The following CENPP variants were observed in gnomAD, a reference collection of about 807,000 sequenced individuals.
CENPP encodes the protein centromere protein P.
In CENPP, 24 loss-of-function variants were observed where a neutral mutation model predicts 35.6. The ratio of observed to expected loss-of-function variants is 0.67; its 90% CI spans 0.49 to 0.95. The LOEUF is 0.95. Ranked by LOEUF, CENPP falls within the 40% of genes least tolerant of loss-of-function variation. The pLI is 0.00. For synonymous variants in CENPP, 120 were observed against 125.5 expected (o/e 0.96, Z 0.29); for missense variants, 332 against 345.3 (o/e 0.96, Z 0.31).
intron 5 of CENPP, among the ~76,000 whole-genome samples, chr9:92,580,928 T>C (rs962885706): frequency 6.6e-6 from 1 of 152,262 alleles, no homozygotes; most frequent in Non-Finnish European, 1.5e-5. Flanking sequence ...TGCTTTCTCT[T>C]GTGGGCATTT....
chr9:92,349,095 A>G (rs1371702763), intron 4 of CENPP, among the ~76,000 whole-genome samples: 1 of 152,210 alleles, frequency 6.6e-6, no homozygotes, highest in Non-Finnish European at 1.5e-5. Context: ...ATGTTAGACT[A>G]TTTGACATAT....
chr9:92,542,100 T>C (rs1353014287), intron 5 of CENPP, among the ~76,000 whole-genome samples: 1 of 152,202 alleles, frequency 6.6e-6, no homozygotes, highest in Non-Finnish European at 1.5e-5. Flanking sequence ...CCTGTGATTT[T>C]ATTTCCTTTG....
intron 5 of CENPP, among the ~76,000 whole-genome samples, chr9:92,382,451 A>T (rs898305874): frequency 6.6e-6 from 1 of 152,106 alleles, no homozygotes; most frequent in Admixed American, 6.5e-5. Context: ...TATAGAACTT[A>T]TTCCTCCTAT....
intron 5 of CENPP, among the ~76,000 whole-genome samples, chr9:92,566,525 T>C (rs535591704): frequency 2.6e-5 from 4 of 152,224 alleles, no homozygotes; most frequent in East Asian, 3.9e-4. Flanking sequence ...CAAAGAGATA[T>C]TAAATCTAAA....
chr9:92,441,646 C>A (rs1844391466), intron 5 of CENPP, among the ~76,000 whole-genome samples: 1 of 152,148 alleles, frequency 6.6e-6, no homozygotes, highest in Non-Finnish European at 1.5e-5. Context: ...GTAGTCCCAG[C>A]TACTCAGGAG....
At chr9:92,453,362 T>G (rs865916458) in intron 5 of CENPP, among the ~76,000 whole-genome samples, 3 of 152,204 alleles carry the variant, frequency 2.0e-5, no homozygotes, top group African/African-American at 7.2e-5. Flanking sequence ...TATGTACCCA[T>G]TAGTCATTCA....
chr9:92,539,602 G>A (rs555033908), intron 5 of CENPP, among the ~76,000 whole-genome samples: 1 of 152,066 alleles, frequency 6.6e-6, no homozygotes, highest in Admixed American at 6.5e-5. Context: ...CTAAATTTCT[G>A]GAAGATAAGC....
At chr9:92,399,036 G>A (rs1332252667) in intron 5 of CENPP, among the ~76,000 whole-genome samples, 2 of 151,244 alleles carry the variant, frequency 1.3e-5, no homozygotes, top group African/African-American at 2.4e-5. Flanking sequence ...ACACCAGTCT[G>A]AGAGCGAGAC....
chr9:92,528,539 A>G (rs1040439514), intron 5 of CENPP, among the ~76,000 whole-genome samples: 20 of 131,194 alleles, frequency 1.5e-4, no homozygotes, highest in African/African-American at 7.4e-4. Context: ...TAAAGGACAA[A>G]GGGGAAAACA....
At chr9:92,562,496 G>A (rs534992758) in intron 5 of CENPP, among the ~76,000 whole-genome samples, 12 of 152,006 alleles carry the variant, frequency 7.9e-5, no homozygotes, top group African/African-American at 2.7e-4. Flanking sequence ...ATGAGCCACC[G>A]CGCCCTGCCC....
At chr9:92,437,110 G>A (rs1245266329) in intron 5 of CENPP, among the ~76,000 whole-genome samples, 2 of 152,258 alleles carry the variant, frequency 1.3e-5, no homozygotes, top group East Asian at 1.9e-4. Context: ...GCTGTGGCAG[G>A]AGAATCGCTC....
chr9:92,464,042 C>A (rs987618348), intron 5 of CENPP, among the ~76,000 whole-genome samples: 6 of 152,172 alleles, frequency 3.9e-5, no homozygotes, highest in African/African-American at 1.4e-4. Context: ...GCTGCTTTAA[C>A]TCATGGATAC....
chr9:92,551,916 G>GGTGTGTGT lies in CENPP; in HGVS notation c.565-59395_565-59388dup, dbSNP rs146012735. On this transcript the variant is annotated intron_variant, in intron 5 of 7. Transcript: ENST00000375587. ...AGTTAACAGCATTTGTTATATATAT[G>GGTGTGTGT]GTGTGTGTGTATATATATATATATA... is the stretch of plus-strand genomic sequence containing the variant. Among the ~76,000 whole-genome samples the GGTGTGTGT allele has an allele frequency of 8.6e-4, 75 of 86,744 alleles. 1 individual carries two copies. Among genetic ancestry groups the GGTGTGTGT allele is most frequent in the African/African-American group, 2.5e-3 (60 of 24,156 alleles). 56.9% of individuals were successfully genotyped at this position (86,744 alleles called of 152,430 possible).
chr9:92,520,303 G>C (rs1847985127), intron 5 of CENPP, among the ~76,000 whole-genome samples: 1 of 151,858 alleles, frequency 6.6e-6, no homozygotes, highest in South Asian at 2.1e-4. Context: ...AAAGAAATAG[G>C]CATAGGGGTT....
intron 5 of CENPP, among the ~76,000 whole-genome samples, chr9:92,547,713 A>G (rs1563998484): frequency 6.6e-6 from 1 of 152,248 alleles, no homozygotes; most frequent in Non-Finnish European, 1.5e-5. Flanking sequence ...TGGAGTGACT[A>G]AAATGTTCTA....
At chr9:92,417,038 A>G in intron 5 of CENPP, 2 of 1,614,056 alleles carry the variant, frequency 1.2e-6, no homozygotes, top group Non-Finnish European at 1.7e-6. Flanking sequence ...CAGTTTGGAG[A>G]TTTCATTGTA....
chr9:92,467,541 C>G (rs755394871), intron 5 of CENPP, among the ~76,000 whole-genome samples: 10 of 152,226 alleles, frequency 6.6e-5, no homozygotes, highest in Admixed American at 3.3e-4. Flanking sequence ...CTTTACCAAT[C>G]CAGGTCATCT....
intron 4 of CENPP, among the ~76,000 whole-genome samples, chr9:92,366,137 G>A (rs548240601): frequency 1.5e-5 from 2 of 133,474 alleles, no homozygotes; most frequent in South Asian, 2.3e-4. Flanking sequence ...CCAAGACGGC[G>A]CCACTGCACT....
At chr9:92,437,465 A>G (rs1844276297) in intron 5 of CENPP, among the ~76,000 whole-genome samples, 1 of 147,402 alleles carries the variant, frequency 6.8e-6, no homozygotes, top group East Asian at 2.0e-4. Context: ...GCTGGAGTGC[A>G]GTAGTAGGTT....
Sources: allele counts gnomAD v4.1 joint callset (sites outside exome capture counted in the v4.1 genomes callset), GRCh38; gene constraint gnomAD v4.1.1; transcripts MANE v1.5; gene names NCBI Gene and HGNC (gene_info 2026-07-23, HGNC 2026-07-21).